ERG: variants seen among roughly 807,000 people sequenced by gnomAD.
ERG encodes transcriptional regulator ERG.
A neutral mutation model predicts 55.3 loss-of-function variants in ERG; 9 were observed. The observed-to-expected ratio is 0.16, with a 90% confidence interval of 0.10 to 0.28. The LOEUF is 0.28. Ranked by LOEUF, ERG falls within the 10% of genes least tolerant of loss-of-function variation. The pLI, the probability that ERG is intolerant of heterozygous loss-of-function variation, is 1.00. For missense variants in ERG, 434 were observed against 631.6 expected (o/e 0.69, Z 3.35); for synonymous variants, 223 against 237.3 (o/e 0.94, Z 0.55).
chr21:38,651,920 G>C (rs78313013), intron 1 of ERG, among the ~76,000 whole-genome samples: 1 of 152,276 alleles, frequency 6.6e-6, no homozygotes, highest in African/African-American at 2.4e-5. Context: ...GGAAAATGAG[G>C]ACAATTAGAG....
chr21:38,525,115 T>C (rs1241445453), intron 2 of ERG, among the ~76,000 whole-genome samples: 2 of 152,024 alleles, frequency 1.3e-5, no homozygotes, highest in Non-Finnish European at 2.9e-5. Flanking sequence ...GACAAGAAAA[T>C]TAATTTTTAA....
chr21:38,585,532 C>CTTTTTTTTTTTTTTTTTTTTTTT (rs760791568), upstream of ERG, among the ~76,000 whole-genome samples: 194 of 59,270 alleles, frequency 3.3e-3, 58 homozygotes, highest in Non-Finnish European at 4.5e-3. Context: ...TCTCTCTCTT[C>CTTTTTTTTTTTTTTTTTTTTTTT]TTTTTTTTTT....
chr21:38,408,229 A>G (rs1381193147), intron 3 of ERG, among the ~76,000 whole-genome samples: 2 of 152,166 alleles, frequency 1.3e-5, no homozygotes, highest in African/African-American at 4.8e-5. Flanking sequence ...AGGTGTTGCA[A>G]TAGAGGACAG....
At chr21:38,556,119 G>C (rs2059856714) in intron 2 of ERG, among the ~76,000 whole-genome samples, 1 of 151,898 alleles carries the variant, frequency 6.6e-6, no homozygotes, top group Non-Finnish European at 1.5e-5. Flanking sequence ...ACAGTTTCTA[G>C]GGACATGGAA....
downstream of ERG, among the ~76,000 whole-genome samples, chr21:38,379,192 T>C (rs1345189971): frequency 6.6e-6 from 1 of 152,244 alleles, no homozygotes; most frequent in African/African-American, 2.4e-5. Flanking sequence ...TAACCTATTG[T>C]CATCTCAGCC....
Position 38,415,583 on chromosome 21 carries a change from A to G in ERG, c.388+7827T>C, listed in dbSNP as rs563344916. 2.6e-5 allele frequency among the ~76,000 whole-genome samples: 4 copies of G among 152,322 alleles called. No individual in the cohort carries two copies. The East Asian group carries it at 7.7e-4, about 29-fold the overall frequency. ...TGTCCCATCATATCGACAGAGTGGA[A>G]GAGATCCTCGGGTGTGTTCAGGGAC... On this transcript the variant is annotated intron_variant, in intron 3 of 9. Coordinates refer to ENST00000288319, the MANE Select transcript of ERG (RefSeq NM_182918.4).
intron 1 of ERG, among the ~76,000 whole-genome samples, chr21:38,637,421 C>G (rs959628399): frequency 1.1e-4 from 16 of 152,262 alleles, no homozygotes; most frequent in Admixed American, 7.2e-4. Flanking sequence ...ATTTTGGAAG[C>G]TATTGTGGTG....
At chr21:38,461,432 A>AT (rs756482817) in intron 1 of ERG, among the ~76,000 whole-genome samples, 5 of 152,220 alleles carry the variant, frequency 3.3e-5, no homozygotes, top group Admixed American at 1.3e-4. Context: ...GGACTTCAAC[A>AT]TAACTCAGGG....
intron 2 of ERG, among the ~76,000 whole-genome samples, chr21:38,522,053 C>T (rs1243854884): frequency 6.6e-6 from 1 of 152,084 alleles, no homozygotes; most frequent in Non-Finnish European, 1.5e-5. Flanking sequence ...CTGTATCATA[C>T]AAAAATTGAG....
At chr21:38,591,871 T>A (rs2060102092) in intron 1 of ERG, among the ~76,000 whole-genome samples, 1 of 152,122 alleles carries the variant, frequency 6.6e-6, no homozygotes, top group African/African-American at 2.4e-5. Context: ...TACAAACCAA[T>A]GAAAAGAAGG....
intron 1 of ERG, among the ~76,000 whole-genome samples, chr21:38,656,573 C>A (rs1234059849): frequency 2.0e-5 from 3 of 152,088 alleles, no homozygotes; most frequent in African/African-American, 7.2e-5. Context: ...CTTTTACTTT[C>A]CAACTTTAAG....
intron 1 of ERG, among the ~76,000 whole-genome samples, chr21:38,648,493 T>C (rs1383359146): frequency 6.6e-6 from 1 of 152,228 alleles, no homozygotes; most frequent in East Asian, 1.9e-4. Context: ...GGGGTATGTT[T>C]TCTGTCCTGA....
At chr21:38,591,250 CT>C (rs1406517601) in intron 1 of ERG, among the ~76,000 whole-genome samples, 1 of 152,218 alleles carries the variant, frequency 6.6e-6, no homozygotes, top group Admixed American at 6.5e-5. Context: ...AGAACAGGTC[CT>C]GGATTTGGCA....
chr21:38,475,204 C>G (rs551973140), intron 1 of ERG, among the ~76,000 whole-genome samples: 1 of 152,074 alleles, frequency 6.6e-6, no homozygotes, highest in South Asian at 2.1e-4. Context: ...ATATATAAAG[C>G]CAGCCCCACC....
intron 1 of ERG, among the ~76,000 whole-genome samples, chr21:38,497,270 TGGCCCAATTCTG>T (rs2059387407): frequency 6.6e-6 from 1 of 152,262 alleles, no homozygotes; most frequent in Non-Finnish European, 1.5e-5. Context: ...GAAAATGGCT[TGGCCCAATTCTG>T]GGCAAACTTC....
intron 1 of ERG, among the ~76,000 whole-genome samples, chr21:38,621,201 A>G (rs1402609842): frequency 6.6e-6 from 1 of 152,230 alleles, no homozygotes; most frequent in Non-Finnish European, 1.5e-5. Context: ...TCTGTGATAA[A>G]TAAATTCCAG....
At chr21:38,389,454 TC>T (rs1447077858) in intron 9 of ERG, among the ~76,000 whole-genome samples, 1 of 152,026 alleles carries the variant, frequency 6.6e-6, no homozygotes, top group East Asian at 1.9e-4. Context: ...TCAGCTTCCG[TC>T]ATTTTCTTTT....
At chr21:38,520,245 G>A (rs1173347624) in intron 2 of ERG, among the ~76,000 whole-genome samples, 1 of 152,160 alleles carries the variant, frequency 6.6e-6, no homozygotes, top group Non-Finnish European at 1.5e-5. Context: ...CTTGTCCCTT[G>A]GGAAGAGCCA....
chr21:38,581,150 C>T (rs2060026269), intron 1 of ERG, among the ~76,000 whole-genome samples: 1 of 152,140 alleles, frequency 6.6e-6, no homozygotes, highest in Non-Finnish European at 1.5e-5. Context: ...GCACCTGGGG[C>T]ATGTCCTGGA....
Sources: gnomAD v4.1 joint callset for allele counts (sites outside exome capture counted in the v4.1 genomes callset) on GRCh38, gnomAD v4.1.1 for gene constraint, MANE v1.5 for transcripts, NCBI Gene and HGNC (gene_info 2026-07-23, HGNC 2026-07-21) for gene names.